POGZ: variants seen among roughly 807,000 people sequenced by gnomAD.
The protein encoded by POGZ is pogo transposable element derived with ZNF domain.
POGZ carries 17 observed loss-of-function variants against 134.6 expected under a neutral mutation model. That is an observed-to-expected ratio of 0.13 (90% CI 0.09 to 0.19). POGZ has a LOEUF of 0.19. POGZ is among the 10% of genes least tolerant of loss of function. POGZ has a pLI of 1.00. For synonymous variants in POGZ, 693 were observed against 657.1 expected, an observed-to-expected ratio of 1.05 and a Z score of -0.84; for missense variants, 1,306 against 1,769.7, an observed-to-expected ratio of 0.74 and a Z score of 4.70.
At chr1:151,410,076 T>C (rs1479290963) in intron 12 of POGZ, among the ~76,000 whole-genome samples, 1 of 152,212 alleles carries the variant, frequency 6.6e-6, no homozygotes, top group Non-Finnish European at 1.5e-5. Flanking sequence ...TAAGCACACA[T>C]GCACTCATCT....
chr1:151,454,117 T>C (rs1286479169), intron 1 of POGZ, among the ~76,000 whole-genome samples: 16 of 152,184 alleles, frequency 1.1e-4, no homozygotes, highest in Admixed American at 1.0e-3. Flanking sequence ...AAATGAAGAA[T>C]TTGGTATCTA....
At chr1:151,423,645 G>A in intron 9 of POGZ, 94 bp from the exon 10 acceptor site, 1 of 977,688 alleles carries the variant, frequency 1.0e-6, no homozygotes, top group Non-Finnish European at 1.5e-6. Context: ...AACATTATCT[G>A]CTCCCCTCCA....
chr1:151,415,586 G>A (rs935296453), intron 10 of POGZ, among the ~76,000 whole-genome samples: 3 of 150,860 alleles, frequency 2.0e-5, no homozygotes, highest in African/African-American at 7.3e-5. Context: ...CAGAAGAATG[G>A]CGTGAACCCA....
chr1:151,424,865 C>A, intron 8 of POGZ, 90 bp downstream of exon 8: 1 of 694,324 alleles, frequency 1.4e-6, no homozygotes, highest in South Asian at 1.6e-5. Context: ...AAGCTTCAGT[C>A]ATTTTAGAGC....
At chr1:151,445,539 G>GAA (rs1661147804) in intron 1 of POGZ, among the ~76,000 whole-genome samples, 1 of 137,816 alleles carries the variant, frequency 7.3e-6, no homozygotes, top group East Asian at 2.2e-4. Context: ...AAAAAAAAAA[G>GAA]AAAAAAAGAA....
intron 1 of POGZ, among the ~76,000 whole-genome samples, chr1:151,454,275 A>C (rs1402593827): frequency 6.6e-6 from 1 of 152,222 alleles, no homozygotes. Context: ...GATAATCCTC[A>C]ACATAACTGG....
At chr1:151,425,216 T>G (rs1657568719) in intron 7 of POGZ, 155 bp from the exon 8 acceptor site, 2 of 518,718 alleles carry the variant, frequency 3.9e-6, no homozygotes. Context: ...TTTGTTTTTT[T>G]TGAGACACGG....
Position 151,405,683 on chromosome 1 carries a change from G to C in POGZ, c.3352C>G (p.Pro1118Ala). The change falls in exon 19 of 19, where the codon CCC becomes GCC. Residue 1118 changes from proline (P) to alanine (A), a missense_variant. Transcript: ENST00000271715. The surrounding 1 kb of genome is among the most constrained non-coding windows in gnomAD (Gnocchi z 4.9). ...TCAATAGCCACAATCATAGACAAGGGTAAGTCCTGGTTGTGAATCTGCCGT... is the reference window on the plus strand; with the variant it reads ...TCAATAGCCACAATCATAGACAAGGCTAAGTCCTGGTTGTGAATCTGCCGT... The part of the protein sequence containing the change: ...VQRQIHNQDL[P>A]LSMIVAIDEI... 1.2e-6 allele frequency: 2 copies of C among 1,614,130 alleles called. No individual in the cohort carries two copies. Among genetic ancestry groups the C allele is most frequent in the Non-Finnish European group, 1.7e-6 (2 of 1,179,986 alleles).
intron 10 of POGZ, among the ~76,000 whole-genome samples, chr1:151,416,130 C>A (rs1251878352): frequency 7.5e-6 from 1 of 134,112 alleles, no homozygotes; most frequent in Non-Finnish European, 1.6e-5. Context: ...ATTGCTTGAA[C>A]CTGTGACGCG....
rs182155682 is a variant in POGZ, at chr1:151,429,797, T to C, written c.460-86A>G. 6.0e-4 allele frequency: 379 copies of C among 636,410 alleles called. 1 individual carries two copies. The African/African-American group carries it at 6.3e-3, about 11-fold the overall frequency. 39.4% of individuals were successfully genotyped at this position (636,410 alleles called of 1,614,324 possible). On this transcript the variant is annotated intron_variant, in intron 4 of 18. Coordinates refer to ENST00000271715, the MANE Select transcript of POGZ (RefSeq NM_015100.4). ...AGTATGACCTACATCCAAAAAAAAA[T>C]TCCCATACTCTTACTTAATGGTTCT...
rs7528822 is a variant in POGZ at position 151,432,450 on chromosome 1, C to A, written c.284-1609G>T. ...ACCCTCAGTTACTGAGCCAGAAGAC[C>A]AGTGATTGTAGAGGCAGATAGATAA... On this transcript the variant is annotated intron_variant, in intron 3 of 18. Coordinates refer to ENST00000271715, the MANE Select transcript of POGZ (RefSeq NM_015100.4). Among the ~76,000 whole-genome samples, 962 of 152,240 alleles carry A rather than the reference C, an allele frequency of 6.3e-3. 5 individuals are homozygous for A. The highest frequency in any genetic ancestry group is 0.011 in the Non-Finnish European group (730 of 68,024).
At chr1:151,426,115 C>T (rs911020918) in intron 7 of POGZ, 6 of 151,910 alleles carry the variant, frequency 3.9e-5, no homozygotes, top group Non-Finnish European at 7.4e-5. Flanking sequence ...TAACACTGAG[C>T]ACCTTTTCAT....
rs147351733 is a variant in POGZ at position 151,405,945 on chromosome 1, T to C, written c.3090A>G (p.Lys1030=). The C allele has an allele frequency of 2.2e-5, 36 of 1,614,098 alleles. No individual in the cohort carries two copies. Among genetic ancestry groups the C allele is most frequent in the Non-Finnish European group, 3.0e-5 (35 of 1,180,046 alleles). ...GCTGGGTTAGCACCCACTCAGCCAG[T>C]TTCTCTTCTGCCTCAAAGCTCAGAT... ...GKYLSFEAEE[K]LAEWVLTQRE... The change falls in exon 19 of 19, where the codon AAA becomes AAG. Residue 1030 remains lysine, a synonymous_variant. Coordinates refer to ENST00000271715, the MANE Select transcript of POGZ (RefSeq NM_015100.4). The surrounding 1 kb of genome is among the most constrained non-coding windows in gnomAD (Gnocchi z 4.9).
intron 10 of POGZ, among the ~76,000 whole-genome samples, chr1:151,420,107 G>A (rs1365041451): frequency 1.3e-5 from 2 of 152,096 alleles, no homozygotes; most frequent in African/African-American, 4.8e-5. Flanking sequence ...AGGACTGCTT[G>A]AGCCCAGGGG....
chr1:151,421,388 G>A (rs1330655193), intron 10 of POGZ, among the ~76,000 whole-genome samples: 2 of 144,624 alleles, frequency 1.4e-5, no homozygotes, highest in Non-Finnish European at 3.0e-5. Flanking sequence ...GAGGATAAGG[G>A]AGCGCTACTG....
chr1:151,455,090 G>C (rs912244656), intron 1 of POGZ: 2 of 150,142 alleles, frequency 1.3e-5, no homozygotes, highest in East Asian at 1.9e-4. Flanking sequence ...CTGGGCAATA[G>C]AGCGAGACTC....
rs1652955323 is a variant in POGZ, at chr1:151,402,753, A to C, written c.*2049T>G. The C allele has an allele frequency of 6.6e-6, 1 of 152,228 alleles. No individual in the cohort carries two copies. The highest frequency in any genetic ancestry group is 2.4e-5 in the African/African-American group (1 of 41,454). 9.4% of individuals were successfully genotyped at this position (152,228 alleles called of 1,614,324 possible). ...GTCAATAAATACATGTTTATTGATT[A>C]AACTGAATTATAAAAAACAAAACCA... On this transcript the variant is annotated 3_prime_UTR_variant, in exon 19 of 19. Transcript: ENST00000271715.
At chr1:151,414,638 C>T (rs537223186) in intron 10 of POGZ, among the ~76,000 whole-genome samples, 4 of 152,178 alleles carry the variant, frequency 2.6e-5, no homozygotes, top group East Asian at 1.9e-4. Flanking sequence ...CAAAATCAGC[C>T]GGGCACAGTA....
intron 15 of POGZ, among the ~76,000 whole-genome samples, chr1:151,407,855 C>T (rs550799193): frequency 6.6e-6 from 1 of 151,598 alleles, no homozygotes; most frequent in East Asian, 1.9e-4. Context: ...ACTAAAAATA[C>T]AAAAAAATCA....
Sources: allele counts gnomAD v4.1 joint callset (sites outside exome capture counted in the v4.1 genomes callset), GRCh38; gene constraint gnomAD v4.1.1; non-coding constraint Gnocchi (gnomAD v3.1); transcripts MANE v1.5; gene names NCBI Gene and HGNC (gene_info 2026-07-23, HGNC 2026-07-21).